Variants in PTPRG observed in about 807,000 individuals in gnomAD.
PTPRG encodes the protein receptor-type tyrosine-protein phosphatase gamma.
In PTPRG, 102 loss-of-function variants were observed where a neutral mutation model predicts 165.3. That is an observed-to-expected ratio of 0.62 (90% CI 0.53 to 0.73). The LOEUF is 0.73. Among genes scored for constraint, PTPRG ranks in the 30% least tolerant of loss-of-function variants. The pLI is 0.00. For synonymous variants in PTPRG, 675 were observed against 669.5 expected (o/e 1.01, Z -0.13); for missense variants, 1,866 against 1,861.4 (o/e 1.00, Z -0.05).
intron 14 of PTPRG, among the ~76,000 whole-genome samples, chr3:62,238,331 G>C (rs1168333106): frequency 6.6e-6 from 1 of 152,112 alleles, no homozygotes; most frequent in Non-Finnish European, 1.5e-5. Context: ...TCTATCTTGG[G>C]TATCTTGTTG....
intron 2 of PTPRG, among the ~76,000 whole-genome samples, chr3:61,903,144 C>T (rs1006117844): frequency 1.3e-5 from 2 of 152,196 alleles, no homozygotes; most frequent in African/African-American, 4.8e-5. Flanking sequence ...CTCCCTTTAT[C>T]TGTCCCGTGC....
In PTPRG at chr3:62,168,103, T is replaced by G. The variant is rs773413822; in HGVS notation, c.973T>G (p.Ser325Ala). Residue 325 changes from serine to alanine, a missense_variant, in exon 8 of 30, where the codon TCC becomes GCC. Ser to Ala is a moderately conservative substitution (Grantham distance 99). Around this residue, in one of 3 missense-constraint regions of PTPRG, gnomAD observed 1,452 missense variants for 1,463.0 expected, o/e 0.99. Coordinates refer to ENST00000474889, the MANE Select transcript of PTPRG (RefSeq NM_002841.4). ...GGTGTCCAAGTCCGCCGTCCGTGACTCCTGGAACCACGACATGACAGACTT... is the reference window on the plus strand; with the variant it reads ...GGTGTCCAAGTCCGCCGTCCGTGACGCCTGGAACCACGACATGACAGACTT... ...RVVSKSAVRD[S>A]WNHDMTDFLE... 2 of 1,614,066 alleles carry G rather than the reference T, an allele frequency of 1.2e-6. No homozygotes were observed. The highest frequency in any genetic ancestry group is 1.7e-6 in the Non-Finnish European group (2 of 1,179,994).
chr3:61,781,400 C>A (rs2034540900), intron 2 of PTPRG, among the ~76,000 whole-genome samples: 1 of 152,068 alleles, frequency 6.6e-6, no homozygotes, highest in African/African-American at 2.4e-5. Flanking sequence ...TGACAACTGT[C>A]CTTTGATTAT....
At chr3:62,005,089 C>T (rs1379335835) in intron 4 of PTPRG, among the ~76,000 whole-genome samples, 1 of 152,110 alleles carries the variant, frequency 6.6e-6, no homozygotes, top group Non-Finnish European at 1.5e-5. Flanking sequence ...ATCCACTGTT[C>T]CTGGAGAAAC....
chr3:61,817,848 C>G (rs58329157), intron 2 of PTPRG, among the ~76,000 whole-genome samples: 269 of 152,268 alleles, frequency 1.8e-3, no homozygotes, highest in African/African-American at 5.9e-3. Flanking sequence ...GGGGCTCTAT[C>G]ATTTTCCAAA....
chr3:61,860,055 G>A (rs1158493669), intron 2 of PTPRG, among the ~76,000 whole-genome samples: 1 of 152,050 alleles, frequency 6.6e-6, no homozygotes, highest in Admixed American at 6.6e-5. Flanking sequence ...AAACACTGAG[G>A]GATTCCTGTT....
At chr3:61,820,603 G>GTTTTTTTTTTTTTTTTTTTT (rs11329820) in intron 2 of PTPRG, among the ~76,000 whole-genome samples, 4 of 65,728 alleles carry the variant, frequency 6.1e-5, no homozygotes, top group African/African-American at 2.6e-4. Context: ...CTGTGTCTCT[G>GTTTTTTTTTTTTTTTTTTTT]TTTTTTTTTT....
intron 7 of PTPRG, among the ~76,000 whole-genome samples, chr3:62,162,034 A>G (rs1226584269): frequency 1.3e-5 from 2 of 152,166 alleles, no homozygotes; most frequent in Non-Finnish European, 2.9e-5. Flanking sequence ...TGTACATATC[A>G]GCCTTTTAAT....
chr3:62,255,889 A>T lies in PTPRG; in HGVS notation c.2559+674A>T, dbSNP rs983439486. ...AACTGGTGTGTAGGAAACAAGGTAG[A>T]GAGAGGCATGTACCACCCTGCCAAC... On this transcript the variant is annotated intron_variant, in intron 16 of 29. Transcript: ENST00000474889. The surrounding 1 kb of genome is among the most constrained non-coding windows in gnomAD (Gnocchi z 4.0). 1.3e-5 allele frequency among the ~76,000 whole-genome samples: 2 copies of T among 152,136 alleles called. No homozygotes were observed. The highest frequency in any genetic ancestry group is 4.8e-5 in the African/African-American group (2 of 41,444).
chr3:61,830,075 G>A (rs2036230710), intron 2 of PTPRG, among the ~76,000 whole-genome samples: 1 of 152,246 alleles, frequency 6.6e-6, no homozygotes, highest in South Asian at 2.1e-4. Context: ...GTTATACACA[G>A]TAGTTGTCCT....
In PTPRG at chr3:61,720,611, C is replaced by T. The variant is rs185828123; in HGVS notation, c.86-28267C>T. Among the ~76,000 whole-genome samples, 126 of 152,290 alleles carry T rather than the reference C, an allele frequency of 8.3e-4. 1 individual carries two copies. The highest frequency in any genetic ancestry group is 6.5e-4 in the Non-Finnish European group (44 of 68,014). On this transcript the variant is annotated intron_variant, in intron 1 of 29. Transcript: ENST00000474889. ...CTCTTCCCACTTCAAGGGCTACTAC[C>T]GTCCTGACTTCTGATATCATAGATG...
intron 2 of PTPRG, among the ~76,000 whole-genome samples, chr3:61,978,857 A>G (rs570138391): frequency 6.6e-6 from 1 of 152,322 alleles, no homozygotes; most frequent in East Asian, 1.9e-4. Flanking sequence ...GATTTGATTC[A>G]CAGGCCATAG....
intron 1 of PTPRG, among the ~76,000 whole-genome samples, chr3:61,720,392 G>T (rs1457231006): frequency 2.0e-5 from 3 of 152,148 alleles, no homozygotes; most frequent in African/African-American, 7.2e-5. Context: ...CCAAAGTGTG[G>T]GGATTACAGG....
Position 62,213,327 on chromosome 3 carries a change from G to C in PTPRG, c.2156-5524G>C, listed in dbSNP as rs143826238. 4.1e-4 allele frequency among the ~76,000 whole-genome samples: 63 copies of C among 152,280 alleles called. No individual in the cohort carries two copies. The highest frequency in any genetic ancestry group is 1.5e-3 in the African/African-American group (62 of 41,556). The stretch of plus-strand genomic sequence containing the variant: ...CAGCCTGTGCACTCACACAGGCCCT[G>C]TGCTCAGAAGGGCCTATGCTTGCTT... On this transcript the variant is annotated intron_variant, in intron 12 of 29. Coordinates refer to ENST00000474889, the MANE Select transcript of PTPRG (RefSeq NM_002841.4). The surrounding 1 kb of genome is among the most constrained non-coding windows in gnomAD (Gnocchi z 4.4).
At chr3:61,861,146 T>C (rs1322518653) in intron 2 of PTPRG, among the ~76,000 whole-genome samples, 1 of 152,234 alleles carries the variant, frequency 6.6e-6, no homozygotes, top group East Asian at 1.9e-4. Context: ...GGTTTCTTTT[T>C]ATTGCCAATT....
At chr3:62,086,916 A>G (rs1182978324) in intron 5 of PTPRG, among the ~76,000 whole-genome samples, 1 of 152,234 alleles carries the variant, frequency 6.6e-6, no homozygotes, top group East Asian at 1.9e-4. Context: ...CTCTTAGTGG[A>G]CATTACAGAG....
At chr3:62,033,361 A>ATT (rs199968064) in intron 4 of PTPRG, among the ~76,000 whole-genome samples, 29 of 124,342 alleles carry the variant, frequency 2.3e-4, no homozygotes, top group African/African-American at 6.0e-4. Flanking sequence ...CTCCCTATAC[A>ATT]TTTTTTTTTT....
In PTPRG at chr3:62,229,679, C is replaced by T. The variant is rs528473525; in HGVS notation, c.2289-1546C>T. ...GATTTCTCAGAATTAACTGTCTTCT[C>T]CCCCCGGGGTTAATTATGTCTGTTC... is the stretch of plus-strand genomic sequence containing the variant. On this transcript the variant is annotated intron_variant, in intron 13 of 29. Coordinates refer to ENST00000474889, the MANE Select transcript of PTPRG (RefSeq NM_002841.4). The surrounding 1 kb of genome is among the most constrained non-coding windows in gnomAD (Gnocchi z 4.6). 3.9e-3 allele frequency among the ~76,000 whole-genome samples: 596 copies of T among 152,274 alleles called. 7 individuals carry two copies. The highest frequency in any genetic ancestry group is 0.014 in the African/African-American group (577 of 41,562).
chr3:62,209,835 C>A (rs1251510995), intron 12 of PTPRG, among the ~76,000 whole-genome samples: 1 of 152,136 alleles, frequency 6.6e-6, no homozygotes, highest in Non-Finnish European at 1.5e-5. Flanking sequence ...TATGGAAAAC[C>A]AGACCCCACT....
Sources: gnomAD v4.1 joint callset for allele counts (sites outside exome capture counted in the v4.1 genomes callset) on GRCh38, gnomAD v4.1.1 for gene constraint, gnomAD v4.1.1 regional missense constraint, Gnocchi (gnomAD v3.1) non-coding constraint, MANE v1.5 for transcripts, NCBI Gene and HGNC (gene_info 2026-07-23, HGNC 2026-07-21) for gene names.